Variants in SESN1 observed in about 807,000 individuals in gnomAD.
SESN1 encodes sestrin 1, also known as sestrin-1.
A neutral mutation model predicts 59.3 loss-of-function variants in SESN1; 30 were observed. The ratio of observed to expected loss-of-function variants is 0.51; its 90% CI spans 0.38 to 0.69. The LOEUF is 0.69. Ranked by LOEUF, SESN1 falls within the 30% of genes least tolerant of loss-of-function variation. SESN1 has a pLI of 0.00. For synonymous variants in SESN1, 197 were observed against 219.9 expected (o/e 0.90, Z 0.92); for missense variants, 566 against 673.0 (o/e 0.84, Z 1.76).
intron 1 of SESN1, among the ~76,000 whole-genome samples, chr6:109,051,328 T>G (rs555980637): frequency 8.0e-6 from 1 of 125,744 alleles, no homozygotes; most frequent in Admixed American, 7.6e-5. Context: ...TGAAACTGAG[T>G]CAGACAATAA....
At chr6:108,990,864 A>G in intron 7 of SESN1, 29 bp from the exon 8 acceptor site, 1 of 1,588,150 alleles carries the variant, frequency 6.3e-7, no homozygotes, top group South Asian at 1.1e-5. Flanking sequence ...ACAAATGTGA[A>G]TAAATGTGGT....
At position 108,987,519 on chromosome 6, in the gene SESN1, A is replaced by G. The variant is rs780765979; in HGVS notation, c.*25T>C. On this transcript the variant is annotated 3_prime_UTR_variant, in exon 10 of 10. Transcript: ENST00000436639. ...AGACTATATCTGCTGATCATTCCAG[A>G]ATCATCTTTAATGAAGGAAAGGCAT... 4 of 1,344,150 alleles carry G rather than the reference A, an allele frequency of 3.0e-6. No individual in the cohort carries two copies. Among genetic ancestry groups the G allele is most frequent in the Non-Finnish European group, 4.3e-6 (4 of 936,728 alleles). 83.3% of individuals were successfully genotyped at this position (1,344,150 alleles called of 1,614,324 possible). A position where few individuals can be genotyped will look rare whatever the true frequency, so the allele number is the denominator to read the frequency against.
chr6:108,993,955 T>C (rs977988779), intron 6 of SESN1, among the ~76,000 whole-genome samples: 1 of 151,734 alleles, frequency 6.6e-6, no homozygotes, highest in African/African-American at 2.4e-5. Context: ...GTGGGCAATA[T>C]AGCAAGACCC....
chr6:108,985,382 T>TA lies in SESN1; in HGVS notation c.*2161_*2162insT, dbSNP rs1234832348. Among the ~76,000 whole-genome samples the TA allele has an allele frequency of 6.6e-6, 1 of 152,216 alleles. No homozygotes were observed. The highest frequency in any genetic ancestry group is 1.5e-5 in the Non-Finnish European group (1 of 68,038). ...AATTTTCCTCTGGTTGGGGAAGGTT[T>TA]TGATATCCCCAGTGTAATGTACCTT... On this transcript the variant is annotated 3_prime_UTR_variant, in exon 10 of 10. Transcript: ENST00000436639.
intron 1 of SESN1, among the ~76,000 whole-genome samples, chr6:109,065,230 T>G (rs1018059101): frequency 6.6e-6 from 1 of 151,964 alleles, no homozygotes; most frequent in African/African-American, 2.4e-5. Flanking sequence ...AGAATCATTA[T>G]CACTATCAGT....
At chr6:109,060,827 G>A (rs1780720190) in intron 1 of SESN1, among the ~76,000 whole-genome samples, 2 of 152,256 alleles carry the variant, frequency 1.3e-5, no homozygotes, top group East Asian at 3.9e-4. Flanking sequence ...ATGACCAAGG[G>A]AATCAGGAAT....
chr6:108,994,463 TGAAGA>T lies in SESN1; in HGVS notation c.1114_1118del (p.Ser372ArgfsTer2). The T allele has an allele frequency of 6.2e-7, 1 of 1,610,970 alleles. No individual in the cohort carries two copies. The highest frequency in any genetic ancestry group is 2.2e-5 in the East Asian group (1 of 44,774). Reference sequence around the variant, plus strand: ...TGACTATATAATGGTTGTTCTTACCTGAAGAGAAGACAAACATACTCTCTCTTTTT... The same window carrying T: ...TGACTATATAATGGTTGTTCTTACCTGAAGACAAACATACTCTCTCTTTTT... On this transcript the variant is annotated frameshift_variant and splice_region_variant, in exon 6 of 10. Transcript: ENST00000436639. LOFTEE classifies it high-confidence loss of function.
intron 1 of SESN1, among the ~76,000 whole-genome samples, chr6:109,082,953 C>G (rs1781150762): frequency 6.6e-6 from 1 of 152,150 alleles, no homozygotes; most frequent in Non-Finnish European, 1.5e-5. Flanking sequence ...TGTGCACTTA[C>G]TATGTGTTAG....
chr6:109,029,692 C>G (rs1055189562), intron 1 of SESN1, among the ~76,000 whole-genome samples: 1 of 152,044 alleles, frequency 6.6e-6, no homozygotes, highest in African/African-American at 2.4e-5. Flanking sequence ...TGCCACCACA[C>G]CCAGCTATTT....
At chr6:108,993,045 G>A in intron 6 of SESN1, 146 bp from the exon 7 acceptor site, 2 of 582,244 alleles carry the variant, frequency 3.4e-6, no homozygotes, top group South Asian at 2.3e-5. Context: ...ATACAAAGTA[G>A]TTTACTTGCT....
chr6:109,058,031 C>G (rs1198525044), intron 1 of SESN1, among the ~76,000 whole-genome samples: 1 of 151,148 alleles, frequency 6.6e-6, no homozygotes. Flanking sequence ...TAATATTGTA[C>G]AGTAACTTTT....
intron 1 of SESN1, among the ~76,000 whole-genome samples, chr6:109,082,652 A>G (rs373768258): frequency 3.3e-5 from 5 of 152,314 alleles, no homozygotes; most frequent in East Asian, 1.9e-4. Context: ...CTGGACTCCA[A>G]TGAAGGGCTG....
At chr6:109,007,263 T>C (rs1779752224) in intron 1 of SESN1, among the ~76,000 whole-genome samples, 1 of 152,224 alleles carries the variant, frequency 6.6e-6, no homozygotes, top group South Asian at 2.1e-4. Flanking sequence ...TCAATGTTTG[T>C]GTACTGAAAA....
chr6:108,986,069 T>TAACA lies in SESN1; in HGVS notation c.*1471_*1474dup, dbSNP rs762920624. ...CTCAATAAATGTTTTGAGGAGTAAC[T>TAACA]AACAGAGTTATCATCACAACAGCTT... On this transcript the variant is annotated 3_prime_UTR_variant, in exon 10 of 10. Transcript: ENST00000436639. Among the ~76,000 whole-genome samples, 51 of 150,294 alleles carry TAACA rather than the reference T, an allele frequency of 3.4e-4. No homozygotes were observed. The highest frequency in any genetic ancestry group is 7.5e-4 in the African/African-American group (31 of 41,346).
intron 4 of SESN1, chr6:109,000,051 G>C (rs1779581904): frequency 1.3e-5 from 2 of 152,280 alleles, no homozygotes; most frequent in Non-Finnish European, 2.9e-5. Context: ...ACATACTTTT[G>C]TATGATTCCA....
At chr6:109,003,274 TAATTA>T (rs999428828) in intron 1 of SESN1, among the ~76,000 whole-genome samples, 1 of 151,262 alleles carries the variant, frequency 6.6e-6, no homozygotes, top group Non-Finnish European at 1.5e-5. Context: ...ATTATATATA[TAATTA>T]AATACTCATA....
At chr6:109,028,761 G>C (rs1583278228) in intron 1 of SESN1, among the ~76,000 whole-genome samples, 1 of 152,288 alleles carries the variant, frequency 6.6e-6, no homozygotes, top group South Asian at 2.1e-4. Context: ...AACTGGCACA[G>C]AACAAAGACT....
intron 1 of SESN1, among the ~76,000 whole-genome samples, chr6:109,079,395 G>A (rs1315611844): frequency 6.6e-6 from 1 of 152,116 alleles, no homozygotes. Flanking sequence ...AAGGTCAGTT[G>A]CCAAAATCAT....
At chr6:109,005,632 G>T (rs537838299) in intron 1 of SESN1, among the ~76,000 whole-genome samples, 19 of 152,226 alleles carry the variant, frequency 1.2e-4, no homozygotes, top group African/African-American at 4.3e-4. Context: ...TATGGCAAGG[G>T]TTCTATGTAA....
Sources: gnomAD v4.1 joint callset for allele counts (sites outside exome capture counted in the v4.1 genomes callset) on GRCh38, gnomAD v4.1.1 for gene constraint, MANE v1.5 for transcripts, NCBI Gene and HGNC (gene_info 2026-07-23, HGNC 2026-07-21) for gene names.